Variants in TMEFF2 observed in about 807,000 individuals in gnomAD.
TMEFF2 encodes the protein transmembrane protein with EGF like and two follistatin like domains 2.
In TMEFF2, 28 loss-of-function variants were observed where a neutral mutation model predicts 53.8. That is an observed-to-expected ratio of 0.52 (90% CI 0.39 to 0.71). The LOEUF is 0.71. Among genes scored for constraint, TMEFF2 ranks in the 30% least tolerant of loss-of-function variants. TMEFF2 has a pLI of 0.00. For synonymous variants in TMEFF2, 162 were observed against 166.3 expected (o/e 0.97, Z 0.20); for missense variants, 353 against 455.2 (o/e 0.78, Z 2.04).
chr2:191,992,552 C>T (rs1461627725), intron 7 of TMEFF2: 2 of 151,970 alleles, frequency 1.3e-5, no homozygotes, highest in Admixed American at 6.6e-5. Context: ...TTTATTTCCT[C>T]TAGTATTTGT....
At chr2:192,003,498 A>C (rs1455271737) in intron 5 of TMEFF2, among the ~76,000 whole-genome samples, 1 of 152,108 alleles carries the variant, frequency 6.6e-6, no homozygotes, top group Non-Finnish European at 1.5e-5. Flanking sequence ...AATCATATTG[A>C]CTCTTGGTCC....
intron 8 of TMEFF2, 136 bp downstream of exon 8, chr2:191,956,119 C>G (rs1041136192): frequency 2.3e-6 from 2 of 857,518 alleles, no homozygotes; most frequent in South Asian, 3.6e-5. Flanking sequence ...TATGCATGCA[C>G]AGGAGGAGCA....
intron 5 of TMEFF2, chr2:192,030,462 C>T (rs1687101655): frequency 6.6e-6 from 1 of 152,022 alleles, no homozygotes. Context: ...CTTCTGCTTG[C>T]TGTAGCCTTC....
chr2:192,001,909 G>A (rs1486347164), intron 5 of TMEFF2, among the ~76,000 whole-genome samples: 2 of 152,166 alleles, frequency 1.3e-5, no homozygotes, highest in Admixed American at 1.3e-4. Flanking sequence ...AAATTTGATT[G>A]AATTGGACTG....
At chr2:192,150,894 C>T (rs930876777) in intron 4 of TMEFF2, among the ~76,000 whole-genome samples, 1 of 151,688 alleles carries the variant, frequency 6.6e-6, no homozygotes, top group Non-Finnish European at 1.5e-5. Context: ...GAGTTTTTCT[C>T]CCTTAGAAAG....
rs766298682 is a variant in TMEFF2, at chr2:191,998,315, G to T, written c.692C>A (p.Thr231Lys). ...ATCTTCAGACTTAGTAGTTGTAGTT[G>T]TGTTATCTGTGTTAAAAAATTAACA... ...VMSLGRCQDN[T>K]TTTTKSEDGH... Residue 231 changes from threonine (T) to lysine (K), a missense_variant, in exon 7 of 10, where the codon ACA (threonine) becomes AAA (lysine). Physicochemically the swap from Thr to Lys is moderately conservative, Grantham distance 78 (BLOSUM62 -1). Coordinates refer to ENST00000272771, the MANE Select transcript of TMEFF2 (RefSeq NM_016192.4). 142 of 1,593,570 alleles carry T rather than the reference G, an allele frequency of 8.9e-5. No individual in the cohort carries two copies. The highest frequency in any genetic ancestry group is 1.2e-4 in the Non-Finnish European group (136 of 1,170,098).
intron 5 of TMEFF2, among the ~76,000 whole-genome samples, chr2:192,052,965 A>C (rs1687809163): frequency 6.6e-6 from 1 of 152,236 alleles, no homozygotes; most frequent in South Asian, 2.1e-4. Flanking sequence ...TCTATAACTG[A>C]AAAAGTATTT....
chr2:192,068,077 G>C (rs1448765041), intron 4 of TMEFF2, among the ~76,000 whole-genome samples: 1 of 151,818 alleles, frequency 6.6e-6, no homozygotes, highest in Non-Finnish European at 1.5e-5. Context: ...AGTAGAGTTG[G>C]GTTGCCCAGA....
chr2:192,112,033 G>C (rs1324358001), intron 4 of TMEFF2, among the ~76,000 whole-genome samples: 1 of 152,218 alleles, frequency 6.6e-6, no homozygotes, highest in African/African-American at 2.4e-5. Context: ...CATGGATGGA[G>C]ACCTCATGAG....
chr2:192,022,073 C>T (rs1246376845), intron 5 of TMEFF2: 1 of 152,252 alleles, frequency 6.6e-6, no homozygotes, highest in South Asian at 2.1e-4. Context: ...GAAGCTATAC[C>T]CATTAGTCTC....
chr2:192,013,786 T>C (rs765698365), intron 5 of TMEFF2, among the ~76,000 whole-genome samples: 12 of 152,324 alleles, frequency 7.9e-5, no homozygotes, highest in Non-Finnish European at 1.8e-4. Context: ...TTTTCTTCAC[T>C]AGAATGTACA....
At position 192,116,089 on chromosome 2, in the gene TMEFF2, CCAT is replaced by C. The variant is rs201894772; in HGVS notation, c.440-58317_440-58315del. 4.4e-3 allele frequency among the ~76,000 whole-genome samples: 663 copies of C among 152,058 alleles called. 25 individuals carry two copies. The highest frequency in any genetic ancestry group is 0.04 in the Admixed American group (604 of 15,242). On this transcript the variant is annotated intron_variant, in intron 4 of 9. Transcript: ENST00000272771. ...CAAGGCATGGAAACAACTGAAGTGT[CCAT>C]CAACAGGTGAATGGATAAAGAAATT...
rs1687945362 is a variant in TMEFF2 at position 192,057,713 on chromosome 2, C to T, written c.502G>A (p.Gly168Ser). 6.2e-7 allele frequency: 1 copy of T among 1,614,082 alleles called. No homozygotes were observed. The highest frequency in any genetic ancestry group is 8.5e-7 in the Non-Finnish European group (1 of 1,179,952). Reference protein sequence around the residue: ...ETSTCDICQFGAECDEDAEDV... With the variant: ...ETSTCDICQFSAECDEDAEDV... ...TCGGCATCTTCGTCACATTCTGCAC[C>T]AAACTGGCAAATATCACAGGTGGAT... Residue 168 changes from glycine (G) to serine (S), a missense_variant, in exon 5 of 10, where the codon GGT (glycine) becomes AGT (serine). Coordinates refer to ENST00000272771, the MANE Select transcript of TMEFF2 (RefSeq NM_016192.4).
chr2:192,087,035 T>C (rs1211203553), intron 4 of TMEFF2, among the ~76,000 whole-genome samples: 1 of 150,236 alleles, frequency 6.7e-6, no homozygotes, highest in African/African-American at 2.4e-5. Context: ...GTATTTAATA[T>C]ATTATATATT....
intron 7 of TMEFF2, among the ~76,000 whole-genome samples, chr2:191,996,920 GCTATAGAACC>G (rs1333318343): frequency 6.6e-6 from 1 of 151,856 alleles, no homozygotes; most frequent in African/African-American, 2.4e-5. Context: ...GGTTCAGTAA[GCTATAGAACC>G]TACATTTGTG....
chr2:191,993,736 C>T (rs1234239586), intron 7 of TMEFF2, among the ~76,000 whole-genome samples: 1 of 151,924 alleles, frequency 6.6e-6, no homozygotes, highest in Admixed American at 6.6e-5. Context: ...AAACACTGTC[C>T]TTGAGTTATA....
intron 4 of TMEFF2, among the ~76,000 whole-genome samples, chr2:192,167,214 A>T (rs1244741173): frequency 6.6e-6 from 1 of 152,120 alleles, no homozygotes; most frequent in Non-Finnish European, 1.5e-5. Flanking sequence ...ATTTTTCCTA[A>T]TAAAATATCT....
intron 4 of TMEFF2, among the ~76,000 whole-genome samples, chr2:192,111,007 C>T (rs142462005): frequency 7.2e-5 from 11 of 152,276 alleles, no homozygotes; most frequent in African/African-American, 2.4e-4. Context: ...ATTGTGAGGC[C>T]TCCCTGGCCA....
Position 191,986,553 on chromosome 2 carries a change from T to A in TMEFF2, c.745+11709A>T, listed in dbSNP as rs1024046697. ...CCTCACATTTCTATTTTGGGACAACTATCTTTTTTTTTTTTTTTAAGTGGG... is the reference window on the plus strand; with the variant it reads ...CCTCACATTTCTATTTTGGGACAACAATCTTTTTTTTTTTTTTTAAGTGGG... On this transcript the variant is annotated intron_variant, in intron 7 of 9. Transcript: ENST00000272771. Among the ~76,000 whole-genome samples the A allele has an allele frequency of 9.3e-5, 9 of 97,124 alleles. No homozygotes were observed. The East Asian group carries it at 9.5e-4, about 10-fold the overall frequency. 63.7% of individuals were successfully genotyped at this position (97,124 alleles called of 152,430 possible).
Sources: allele counts gnomAD v4.1 joint callset (sites outside exome capture counted in the v4.1 genomes callset), GRCh38; gene constraint gnomAD v4.1.1; transcripts MANE v1.5; gene names NCBI Gene and HGNC (gene_info 2026-07-23, HGNC 2026-07-21).